The following CNST variants were observed in gnomAD, a reference collection of about 807,000 sequenced individuals.
CNST encodes the protein consortin.
A neutral mutation model predicts 72.4 loss-of-function variants in CNST; 39 were observed. The ratio of observed to expected loss-of-function variants is 0.54; its 90% confidence interval spans 0.42 to 0.70. The LOEUF (loss-of-function observed/expected upper bound fraction) is 0.70. CNST is among the 30% of genes least tolerant of loss of function. The probability of loss-of-function intolerance (pLI) is 0.00; values close to 1 mark genes in which losing one functional copy is unlikely to be tolerated. For synonymous variants in CNST, 332 were observed against 320.1 expected (o/e 1.04, Z -0.40); for missense variants, 871 against 868.5 (o/e 1.00, Z -0.04).
At chr1:246,658,547 G>T (rs1266589699) in intron 9 of CNST, among the ~76,000 whole-genome samples, 4 of 151,892 alleles carry the variant, frequency 2.6e-5, no homozygotes, top group Non-Finnish European at 5.9e-5. Context: ...TGGTCTATTT[G>T]GCCCTAAAAG....
chr1:246,605,604 G>C (rs547749000), intron 2 of CNST, among the ~76,000 whole-genome samples: 138 of 152,180 alleles, frequency 9.1e-4, no homozygotes, highest in African/African-American at 3.3e-3. Flanking sequence ...CTGATGTAAC[G>C]GCTACGTGGT....
intron 10 of CNST, among the ~76,000 whole-genome samples, chr1:246,662,681 G>A (rs147803024): frequency 0.03 from 4,615 of 152,196 alleles, 256 homozygotes; most frequent in African/African-American, 0.11. Flanking sequence ...GTGAGCCACC[G>A]CACCTGGCCA....
intron 8 of CNST, among the ~76,000 whole-genome samples, chr1:246,646,024 A>C (rs1380804058): frequency 2.6e-5 from 4 of 151,954 alleles, no homozygotes; most frequent in Admixed American, 6.5e-5. Flanking sequence ...TCACGCCTGT[A>C]ATCCCAGCAC....
chr1:246,612,568 TG>T (rs751162722), intron 2 of CNST, among the ~76,000 whole-genome samples: 4 of 152,242 alleles, frequency 2.6e-5, no homozygotes, highest in East Asian at 3.9e-4. Flanking sequence ...TTTTGTGTTA[TG>T]TTTTTTTAAA....
chr1:246,600,346 C>T (rs1662192498), intron 2 of CNST, among the ~76,000 whole-genome samples: 1 of 152,190 alleles, frequency 6.6e-6, no homozygotes, highest in Admixed American at 6.5e-5. Context: ...GCCTTAACAA[C>T]AGGTTTGAAT....
intron 2 of CNST, among the ~76,000 whole-genome samples, chr1:246,613,207 T>G (rs1228939885): frequency 6.6e-6 from 1 of 152,226 alleles, no homozygotes; most frequent in Non-Finnish European, 1.5e-5. Flanking sequence ...GACTTCAGAC[T>G]TTGTGTCTAA....
At chr1:246,615,405 G>C (rs1361864334) in intron 2 of CNST, among the ~76,000 whole-genome samples, 1 of 151,840 alleles carries the variant, frequency 6.6e-6, no homozygotes, top group East Asian at 2.0e-4. Context: ...TCGATCTCCT[G>C]ACCTCGTGAT....
In CNST at chr1:246,660,496, C is replaced by T. The variant is rs111385400; in HGVS notation, c.1972+162C>T. On this transcript the variant is annotated intron_variant, in intron 10 of 10. Transcript: ENST00000366513. ...ATCCCAGCACTTTAGGAGGCTCAGG[C>T]GGGCAGATCACTTGAAATCAGGAGT... Among the ~76,000 whole-genome samples, 531 of 152,268 alleles carry T rather than the reference C, an allele frequency of 3.5e-3. 6 individuals are homozygous for T. The highest frequency in any genetic ancestry group is 0.012 in the African/African-American group (503 of 41,554).
intron 6 of CNST, among the ~76,000 whole-genome samples, chr1:246,641,351 T>C (rs139351026): frequency 7.9e-5 from 12 of 152,368 alleles, no homozygotes; most frequent in African/African-American, 2.4e-4. Context: ...CTTTTTGTTA[T>C]CTGTTTCCAT....
intron 10 of CNST, 113 bp downstream of exon 10, chr1:246,660,447 C>G (rs536516406): frequency 8.4e-7 from 1 of 1,193,664 alleles, no homozygotes; most frequent in African/African-American, 1.5e-5. Context: ...CTATGTCCGC[C>G]AGGCACGGTG....
chr1:246,630,449 AT>A (rs755314725), intron 3 of CNST, among the ~76,000 whole-genome samples: 4 of 152,244 alleles, frequency 2.6e-5, no homozygotes, highest in Non-Finnish European at 4.4e-5. Flanking sequence ...CAAACTTTAT[AT>A]TAACTGAAAA....
chr1:246,629,112 A>G (rs1301459521), intron 3 of CNST, among the ~76,000 whole-genome samples: 1 of 152,084 alleles, frequency 6.6e-6, no homozygotes, highest in Admixed American at 6.5e-5. Context: ...TGTTTTATAC[A>G]GCTGCAGGTA....
chr1:246,656,996 T>C (rs1403018776), intron 9 of CNST, among the ~76,000 whole-genome samples: 1 of 152,150 alleles, frequency 6.6e-6, no homozygotes, highest in Non-Finnish European at 1.5e-5. Flanking sequence ...ATGCCCTAAA[T>C]CAGCAGCCCA....
intron 8 of CNST, among the ~76,000 whole-genome samples, chr1:246,642,829 G>GGATGATGATGATGATGA (rs1156462438): frequency 1.7e-3 from 1 of 598 alleles, no homozygotes; most frequent in Non-Finnish European, 2.9e-3. Flanking sequence ...GGTGATGATG[G>GGATGATGATGATGATGA]TGGTGATGGA....
At chr1:246,609,324 C>T (rs1405425971) in intron 2 of CNST, among the ~76,000 whole-genome samples, 2 of 152,220 alleles carry the variant, frequency 1.3e-5, no homozygotes, top group Non-Finnish European at 2.9e-5. Flanking sequence ...GCCTTTAATG[C>T]CAGCACTTTG....
chr1:246,647,467 G>T lies in CNST; in HGVS notation c.1266G>T (p.Lys422Asn). The T allele has an allele frequency of 6.2e-7, 1 of 1,614,170 alleles. No individual in the cohort carries two copies. The highest frequency in any genetic ancestry group is 8.5e-7 in the Non-Finnish European group (1 of 1,180,042). ...ARIEGIAEDP[K>N]VFLSSKSKTE... ...TAGAGGGCATTGCTGAAGACCCTAAGGTGTTTCTTTCCAGCAAGTCAAAGA... is the reference window on the plus strand; with the variant it reads ...TAGAGGGCATTGCTGAAGACCCTAATGTGTTTCTTTCCAGCAAGTCAAAGA... Residue 422 changes from lysine (K) to asparagine (N), a missense_variant, in exon 9 of 11, where the codon AAG becomes AAT. Coordinates refer to ENST00000366513, the MANE Select transcript of CNST (RefSeq NM_152609.3).
At chr1:246,596,407 A>G (rs144009697) in intron 2 of CNST, among the ~76,000 whole-genome samples, 6 of 152,176 alleles carry the variant, frequency 3.9e-5, no homozygotes, top group South Asian at 2.1e-4. Context: ...CAAAAAAAAA[A>G]AAAGAAAAAG....
At chr1:246,647,001 C>A (rs1666123784) in intron 8 of CNST, 138 bp from the exon 9 acceptor site, 2 of 748,928 alleles carry the variant, frequency 2.7e-6, no homozygotes, top group Non-Finnish European at 4.2e-6. Flanking sequence ...CCTAAAGACA[C>A]TATTATGCAA....
intron 4 of CNST, 105 bp from the exon 5 acceptor site, chr1:246,633,818 GT>G (rs1664951913): frequency 1.5e-6 from 1 of 676,092 alleles, no homozygotes; most frequent in African/African-American, 1.8e-5. Context: ...GTCCTCTCAT[GT>G]TTTAGTAAGC....
Sources: gnomAD v4.1 joint callset for allele counts (sites outside exome capture counted in the v4.1 genomes callset) on GRCh38, gnomAD v4.1.1 for gene constraint, MANE v1.5 for transcripts, NCBI Gene and HGNC (gene_info 2026-07-23, HGNC 2026-07-21) for gene names.